The following ASXL2 variants were observed in gnomAD, a reference collection of about 807,000 sequenced individuals.
ASXL2 encodes the protein putative Polycomb group protein ASXL2.
ASXL2 carries 23 observed loss-of-function variants against 122.0 expected under a neutral mutation model. That is an observed-to-expected ratio of 0.19 (90% CI 0.14 to 0.27). The LOEUF is 0.27. ASXL2 is among the 10% of genes least tolerant of loss of function. ASXL2 has a pLI of 1.00. For synonymous variants in ASXL2, 650 were observed against 637.0 expected (o/e 1.02, Z -0.31); for missense variants, 1,518 against 1,713.8 (o/e 0.89, Z 2.02).
chr2:25,749,875 G>A lies in ASXL2; in HGVS notation c.1681C>T (p.Gln561Ter), dbSNP rs1348431069. ...MKEPLATLVD[Q>*]SPESLKRKSS... ...TTCCTCTTGAGGCTTTCTGGGCTCT[G>A]ATCAACAAGAGTTGCTAGAGGTTCT... The change falls in exon 12 of 13, where the codon CAG becomes TAG. Residue 561 changes from glutamine (Q) to a stop codon, truncating the protein, a stop_gained. Coordinates refer to ENST00000435504, the MANE Select transcript of ASXL2 (RefSeq NM_018263.6). LOFTEE classifies it high-confidence loss of function. The A allele has an allele frequency of 6.2e-7, 1 of 1,611,224 alleles. No individual in the cohort carries two copies. The highest frequency in any genetic ancestry group is 8.5e-7 in the Non-Finnish European group (1 of 1,179,026).
Position 25,736,975 on chromosome 2 carries a change from A to G in ASXL2, c.*5054T>C, listed in dbSNP as rs1268569445. 6.6e-6 allele frequency: 1 copy of G among 152,202 alleles called. No homozygotes were observed. The highest frequency in any genetic ancestry group is 1.5e-5 in the Non-Finnish European group (1 of 68,048). The allele number at this position is 152,202 out of a possible 1,614,324, so 9.4% of individuals were successfully genotyped here. A position where few individuals can be genotyped will look rare whatever the true frequency, so the allele number is the denominator to read the frequency against. The stretch of plus-strand genomic sequence containing the variant: ...CAAAATGAGTTCTCGTGGATTAGAC[A>G]GCAATCTCGGTATGGGAACATAGAC... On this transcript the variant is annotated 3_prime_UTR_variant, in exon 13 of 13. Coordinates refer to ENST00000435504, the MANE Select transcript of ASXL2 (RefSeq NM_018263.6).
chr2:25,744,446 A>G lies in ASXL2; in HGVS notation c.1891T>C (p.Phe631Leu). The stretch of plus-strand genomic sequence containing the variant: ...CTGGGAGAGACCTGCGATGGATGAA[A>G]CGGCATGGGGGAGATTCTGGAGACC... ...IPVSRISPMP[F>L]HPSQVSPRAR... Residue 631 changes from phenylalanine (F) to leucine (L), a missense_variant, in exon 13 of 13, where the codon TTT becomes CTT. Coordinates refer to ENST00000435504, the MANE Select transcript of ASXL2 (RefSeq NM_018263.6). This position sits in a 1 kb window ranked among gnomAD's most constrained non-coding sequence, Gnocchi z 4.7. 6.2e-7 allele frequency: 1 copy of G among 1,610,690 alleles called. No homozygotes were observed.
At chr2:25,810,964 T>G in intron 3 of ASXL2, among the ~76,000 whole-genome samples, 1 of 152,004 alleles carries the variant, frequency 6.6e-6, no homozygotes, top group East Asian at 1.9e-4. Context: ...CTGTGGCTCA[T>G]GCCTGTAATC....
intron 5 of ASXL2, among the ~76,000 whole-genome samples, chr2:25,780,536 T>C (rs554935208): frequency 2.6e-5 from 4 of 152,294 alleles, no homozygotes; most frequent in African/African-American, 4.8e-5. Context: ...ATGAAAATTA[T>C]TGGGTGGAAG....
At chr2:25,805,996 TTC>T (rs983726079) in intron 4 of ASXL2, among the ~76,000 whole-genome samples, 3 of 152,272 alleles carry the variant, frequency 2.0e-5, no homozygotes, top group African/African-American at 4.8e-5. Context: ...TTTAATTTCG[TTC>T]TTTCTAGATA....
intron 5 of ASXL2, among the ~76,000 whole-genome samples, chr2:25,780,753 C>T (rs2088620696): frequency 6.6e-6 from 1 of 151,996 alleles, no homozygotes; most frequent in South Asian, 2.1e-4. Flanking sequence ...CAAGAAGCAT[C>T]AGAGAAAAAA....
At chr2:25,866,830 T>G (rs1231300523) in intron 1 of ASXL2, among the ~76,000 whole-genome samples, 1 of 152,180 alleles carries the variant, frequency 6.6e-6, no homozygotes, top group Non-Finnish European at 1.5e-5. Flanking sequence ...CCTCCCAGGT[T>G]CAAGTGATTC....
At chr2:25,867,011 C>G (rs1380455501) in intron 1 of ASXL2, among the ~76,000 whole-genome samples, 1 of 152,168 alleles carries the variant, frequency 6.6e-6, no homozygotes, top group Non-Finnish European at 1.5e-5. Flanking sequence ...AGCGATTCTC[C>G]TGCCTCAGCC....
At chr2:25,852,774 T>C (rs2089731837) in intron 1 of ASXL2, among the ~76,000 whole-genome samples, 1 of 152,204 alleles carries the variant, frequency 6.6e-6, no homozygotes, top group Non-Finnish European at 1.5e-5. Flanking sequence ...TTCTAAGGTT[T>C]AGGTGGTCAA....
At chr2:25,788,897 G>C (rs1281193413) in intron 5 of ASXL2, among the ~76,000 whole-genome samples, 2 of 151,686 alleles carry the variant, frequency 1.3e-5, no homozygotes, top group African/African-American at 4.8e-5. Flanking sequence ...TTTGATGAAT[G>C]CAACTTCTTA....
At chr2:25,784,418 G>T (rs2088705716) in intron 5 of ASXL2, among the ~76,000 whole-genome samples, 1 of 152,144 alleles carries the variant, frequency 6.6e-6, no homozygotes, top group South Asian at 2.1e-4. Context: ...GATTTCATGG[G>T]AATATAACAT....
chr2:25,867,956 C>T (rs1208943326), intron 1 of ASXL2, among the ~76,000 whole-genome samples: 1 of 152,192 alleles, frequency 6.6e-6, no homozygotes, highest in Non-Finnish European at 1.5e-5. Flanking sequence ...TATTAGATTG[C>T]TATTATGCAG....
chr2:25,861,876 C>T (rs1044145872), intron 1 of ASXL2, among the ~76,000 whole-genome samples: 2 of 152,068 alleles, frequency 1.3e-5, no homozygotes, highest in South Asian at 2.1e-4. Flanking sequence ...AACATAGATG[C>T]AAAAATCCTC....
intron 11 of ASXL2, among the ~76,000 whole-genome samples, chr2:25,752,715 T>C (rs2149142361): frequency 6.6e-6 from 1 of 151,852 alleles, no homozygotes; most frequent in South Asian, 2.1e-4. Context: ...GGTGTGGTGG[T>C]ACACGCCTGT....
rs2088646650 is a variant in ASXL2 at position 25,781,955 on chromosome 2, C to T, written c.404-10415G>A. 1.7e-5 allele frequency among the ~76,000 whole-genome samples: 2 copies of T among 117,652 alleles called. 1 individual carries two copies. The highest frequency in any genetic ancestry group is 3.6e-5 in the Non-Finnish European group (2 of 55,318). 77.2% of individuals were successfully genotyped at this position (117,652 alleles called of 152,430 possible). A position where few individuals can be genotyped will look rare whatever the true frequency, so the allele number is the denominator to read the frequency against. Reference sequence around the variant, plus strand: ...AGGATAACAGGCGTGAGCCACCGCCCGGGCTTTTTTCTTTTTTTTTTTTTT... The same window carrying T: ...AGGATAACAGGCGTGAGCCACCGCCTGGGCTTTTTTCTTTTTTTTTTTTTT... On this transcript the variant is annotated intron_variant, in intron 5 of 12. Coordinates refer to ENST00000435504, the MANE Select transcript of ASXL2 (RefSeq NM_018263.6).
Position 25,878,462 on chromosome 2 carries a change from T to C in ASXL2, c.-240A>G, listed in dbSNP as rs2090029625. 6 of 539,238 alleles carry C rather than the reference T, an allele frequency of 1.1e-5. No individual in the cohort carries two copies. The highest frequency in any genetic ancestry group is 3.5e-5 in the Admixed American group (1 of 28,246). 33.4% of individuals were successfully genotyped at this position (539,238 alleles called of 1,614,324 possible). On this transcript the variant is annotated 5_prime_UTR_variant, in exon 1 of 13. Transcript: ENST00000435504. Reference sequence around the variant, plus strand: ...CGCCGCTGCCATATTGGGTTCTTACTGTACAGGCTGCCGCTACGGTCATGT... The same window carrying C: ...CGCCGCTGCCATATTGGGTTCTTACCGTACAGGCTGCCGCTACGGTCATGT...
At chr2:25,787,841 T>C (rs954929203) in intron 5 of ASXL2, among the ~76,000 whole-genome samples, 2 of 151,986 alleles carry the variant, frequency 1.3e-5, no homozygotes, top group African/African-American at 4.8e-5. Flanking sequence ...TCATAGCAGG[T>C]TGAGGGGAGA....
intron 5 of ASXL2, among the ~76,000 whole-genome samples, chr2:25,776,852 C>T (rs1323483927): frequency 1.3e-5 from 2 of 152,156 alleles, no homozygotes; most frequent in African/African-American, 2.4e-5. Flanking sequence ...TATAATAATT[C>T]TACTCTGCAG....
At chr2:25,860,814 C>A (rs2089836555) in intron 1 of ASXL2, among the ~76,000 whole-genome samples, 3 of 151,900 alleles carry the variant, frequency 2.0e-5, no homozygotes, top group Non-Finnish European at 4.4e-5. Flanking sequence ...GAGTTCAAGA[C>A]CAGCCTGGGC....
Sources: gnomAD v4.1 joint callset for allele counts (sites outside exome capture counted in the v4.1 genomes callset) on GRCh38, gnomAD v4.1.1 for gene constraint, Gnocchi (gnomAD v3.1) non-coding constraint, MANE v1.5 for transcripts, NCBI Gene and HGNC (gene_info 2026-07-23, HGNC 2026-07-21) for gene names.